Variants in PPARGC1A observed in about 807,000 individuals in gnomAD.
PPARGC1A encodes peroxisome proliferator-activated receptor gamma coactivator 1-alpha.
In PPARGC1A, 25 loss-of-function variants were observed where a neutral mutation model predicts 88.7. The observed-to-expected ratio is 0.28, with a 90% CI of 0.21 to 0.39. The LOEUF (loss-of-function observed/expected upper bound fraction) is 0.39. Ranked by LOEUF, PPARGC1A falls within the 10% of genes least tolerant of loss-of-function variation. PPARGC1A has a pLI of 1.00. For missense variants in PPARGC1A, 880 were observed against 968.7 expected (o/e 0.91, Z 1.22); for synonymous variants, 363 against 355.6 (o/e 1.02, Z -0.24).
chr4:24,140,592 T>TTG, the PPARGC1A span, among the ~76,000 whole-genome samples: 1 of 152,184 alleles, frequency 6.6e-6, no homozygotes, highest in Non-Finnish European at 1.5e-5. Context: ...ATGCCAGGAC[T>TTG]TGTGTGCAAG....
At chr4:24,132,812 C>T in the PPARGC1A span, among the ~76,000 whole-genome samples, 1 of 151,570 alleles carries the variant, frequency 6.6e-6, no homozygotes, top group Admixed American at 6.6e-5. Context: ...ACCTTCTTCA[C>T]TTGACCTACC....
At chr4:23,862,660 GT>G (rs1375965453) in intron 2 of PPARGC1A, among the ~76,000 whole-genome samples, 2 of 152,152 alleles carry the variant, frequency 1.3e-5, no homozygotes, top group Non-Finnish European at 2.9e-5. Flanking sequence ...GTAAAACTAT[GT>G]TTTTAACATT....
intron 3 of PPARGC1A, among the ~76,000 whole-genome samples, chr4:23,830,184 T>A (rs754008092): frequency 7.2e-5 from 11 of 152,160 alleles, no homozygotes; most frequent in Non-Finnish European, 2.9e-5. Flanking sequence ...ACCTGGTGTA[T>A]GAAATTACTG....
At chr4:23,982,891 C>T in the PPARGC1A span, among the ~76,000 whole-genome samples, 1 of 152,018 alleles carries the variant, frequency 6.6e-6, no homozygotes, top group Admixed American at 6.6e-5. Context: ...CGAAGTTTGG[C>T]AAACTACAGC....
chr4:24,368,584 C>T, the PPARGC1A span, among the ~76,000 whole-genome samples: 621 of 151,994 alleles, frequency 4.1e-3, 3 homozygotes, highest in African/African-American at 0.014. Context: ...GGGTACATTC[C>T]CTGAACAAGG....
chr4:24,381,190 C>T, the PPARGC1A span, among the ~76,000 whole-genome samples: 2 of 152,120 alleles, frequency 1.3e-5, no homozygotes, highest in African/African-American at 4.8e-5. Context: ...TGAAATACTA[C>T]AGAGATCAGG....
the PPARGC1A span, among the ~76,000 whole-genome samples, chr4:24,047,716 G>A: frequency 6.6e-6 from 1 of 152,102 alleles, no homozygotes; most frequent in Non-Finnish European, 1.5e-5. Context: ...AAGTATCCAG[G>A]ATCTGAGAAC....
chr4:24,446,972 C>T, the PPARGC1A span, among the ~76,000 whole-genome samples: 1 of 152,264 alleles, frequency 6.6e-6, no homozygotes, highest in East Asian at 1.9e-4. Context: ...CCCACTGAAT[C>T]AAAGACACCC....
chr4:24,081,248 C>A, the PPARGC1A span, among the ~76,000 whole-genome samples: 2 of 152,036 alleles, frequency 1.3e-5, no homozygotes, highest in African/African-American at 4.8e-5. Flanking sequence ...TCTCAAAAAG[C>A]ATTTTGGTCT....
chr4:23,907,869 G>A (rs909136120), upstream of PPARGC1A, among the ~76,000 whole-genome samples: 1 of 152,072 alleles, frequency 6.6e-6, no homozygotes, highest in Non-Finnish European at 1.5e-5. Context: ...TTGGGACTCA[G>A]GAATGCACAA....
the PPARGC1A span, among the ~76,000 whole-genome samples, chr4:24,432,118 A>G: frequency 3.3e-5 from 5 of 152,200 alleles, no homozygotes; most frequent in Non-Finnish European, 2.9e-5. Context: ...GAGATCATGT[A>G]TAGACTCAGG....
At chr4:23,810,427 C>G (rs944077402) in intron 10 of PPARGC1A, among the ~76,000 whole-genome samples, 4 of 152,172 alleles carry the variant, frequency 2.6e-5, no homozygotes, top group African/African-American at 7.2e-5. Context: ...AAAGGGACAA[C>G]AGGGTAGCAT....
the PPARGC1A span, among the ~76,000 whole-genome samples, chr4:24,283,764 G>A: frequency 1.3e-5 from 2 of 152,094 alleles, no homozygotes; most frequent in African/African-American, 2.4e-5. Context: ...GTGACCTTGG[G>A]CAAGTCATTT....
chr4:24,303,274 T>G, the PPARGC1A span, among the ~76,000 whole-genome samples: 1 of 152,128 alleles, frequency 6.6e-6, no homozygotes, highest in South Asian at 2.1e-4. Flanking sequence ...AAAATATGAG[T>G]CTAAATGGAG....
At chr4:23,974,252 A>C in the PPARGC1A span, among the ~76,000 whole-genome samples, 1 of 152,198 alleles carries the variant, frequency 6.6e-6, no homozygotes, top group African/African-American at 2.4e-5. Flanking sequence ...CATCTGTGAC[A>C]ATGTTATATA....
chr4:24,300,995 A>C, the PPARGC1A span, among the ~76,000 whole-genome samples: 2 of 152,132 alleles, frequency 1.3e-5, no homozygotes, highest in Non-Finnish European at 2.9e-5. Context: ...AGTCTTTAAT[A>C]AACTTTTGGA....
rs1721485320 is a variant in PPARGC1A at position 23,814,155 on chromosome 4, T to C, written c.1328A>G (p.Gln443Arg). 1 of 1,614,136 alleles carries C rather than the reference T, an allele frequency of 6.2e-7. No homozygotes were observed. Among genetic ancestry groups the C allele is most frequent in the Non-Finnish European group, 8.5e-7 (1 of 1,179,996 alleles). The change falls in exon 8 of 13, where the codon CAG becomes CGG. Residue 443 changes from glutamine to arginine, a missense_variant. Gln to Arg is a conservative substitution (Grantham distance 43). Coordinates refer to ENST00000264867, the MANE Select transcript of PPARGC1A (RefSeq NM_013261.5). ...TTTTCTTGTGCTGCAAGGAGAGACC[T>C]GCTTGCTTGCCTCCAAAGTCTCTCT... ...YLRETLEASK[Q>R]VSPCSTRKQL...
the PPARGC1A span, among the ~76,000 whole-genome samples, chr4:24,314,255 GT>G: frequency 6.6e-6 from 1 of 152,134 alleles, no homozygotes; most frequent in Non-Finnish European, 1.5e-5. Context: ...GAATGTTCTT[GT>G]CCCCTCCAAA....
At chr4:24,136,153 C>T in the PPARGC1A span, among the ~76,000 whole-genome samples, 1 of 152,084 alleles carries the variant, frequency 6.6e-6, no homozygotes, top group African/African-American at 2.4e-5. Context: ...CGCATCCAGC[C>T]AACATATGGA....
Sources: allele counts gnomAD v4.1 joint callset (sites outside exome capture counted in the v4.1 genomes callset), GRCh38; gene constraint gnomAD v4.1.1; transcripts MANE v1.5; gene names NCBI Gene and HGNC (gene_info 2026-07-23, HGNC 2026-07-21).